Variants in KCNH1 observed in about 807,000 individuals in gnomAD.
KCNH1 encodes voltage-gated delayed rectifier potassium channel KCNH1.
KCNH1 carries 27 observed loss-of-function variants against 69.2 expected under a neutral mutation model. The observed-to-expected ratio is 0.39, with a 90% CI of 0.29 to 0.54. The LOEUF (loss-of-function observed/expected upper bound fraction) is 0.54. Ranked by LOEUF, KCNH1 falls within the 20% of genes least tolerant of loss-of-function variation. The pLI, the probability that KCNH1 is intolerant of heterozygous loss-of-function variation, is 0.68. For missense variants in KCNH1, 798 were observed against 1,261.6 expected (o/e 0.63, Z 5.57); for synonymous variants, 456 against 487.7 (o/e 0.93, Z 0.86).
chr1:211,066,479 T>C (rs1207709276), intron 5 of KCNH1, among the ~76,000 whole-genome samples: 1 of 152,194 alleles, frequency 6.6e-6, no homozygotes, highest in Non-Finnish European at 1.5e-5. Flanking sequence ...TCAATATTTT[T>C]AATAATATTG....
rs567975032 is a variant in KCNH1 at position 210,986,794 on chromosome 1, G to A, written c.1032+31989C>T. On this transcript the variant is annotated intron_variant, in intron 6 of 10. Transcript: ENST00000271751. Reference sequence around the variant, plus strand: ...TGCTCTTCTCGAGGAGTATCTTTGCGGTGTTCTCTGTATTTCCTGAATTTG... The same window carrying A: ...TGCTCTTCTCGAGGAGTATCTTTGCAGTGTTCTCTGTATTTCCTGAATTTG... Among the ~76,000 whole-genome samples, 603 of 152,212 alleles carry A rather than the reference G, an allele frequency of 4.0e-3. 3 individuals carry two copies. Among genetic ancestry groups the A allele is most frequent in the Middle Eastern group, 0.017 (5 of 294 alleles).
intron 10 of KCNH1, among the ~76,000 whole-genome samples, chr1:210,727,785 C>G (rs866909552): frequency 6.6e-6 from 1 of 152,184 alleles, no homozygotes; most frequent in Non-Finnish European, 1.5e-5. Flanking sequence ...ATATTCAAAA[C>G]AGTCCACAAG....
chr1:211,022,068 T>A (rs1159941645), intron 5 of KCNH1, among the ~76,000 whole-genome samples: 1 of 152,150 alleles, frequency 6.6e-6, no homozygotes, highest in Non-Finnish European at 1.5e-5. Context: ...TTACCTGACT[T>A]CAAATTATAC....
intron 6 of KCNH1, among the ~76,000 whole-genome samples, chr1:210,977,927 C>T (rs1178845419): frequency 6.6e-6 from 1 of 152,040 alleles, no homozygotes. Flanking sequence ...TCAAAATCTG[C>T]TCTTCTACCT....
intron 7 of KCNH1, among the ~76,000 whole-genome samples, chr1:210,869,487 G>GTA (rs1181551090): frequency 4.3e-5 from 1 of 23,412 alleles, no homozygotes; most frequent in Non-Finnish European, 9.8e-5. Flanking sequence ...TATAAGTCGT[G>GTA]TGTGTGTGTG....
In KCNH1 at chr1:210,785,497, C is replaced by T. The variant is rs143407246; in HGVS notation, c.1916-9953G>A. Among the ~76,000 whole-genome samples, 380 of 151,668 alleles carry T rather than the reference C, an allele frequency of 2.5e-3. 4 individuals are homozygous for T. The highest frequency in any genetic ancestry group is 8.7e-3 in the African/African-American group (358 of 41,254). On this transcript the variant is annotated intron_variant, in intron 9 of 10. Coordinates refer to ENST00000271751, the MANE Select transcript of KCNH1 (RefSeq NM_172362.3). ...GCAACCTCCGCCTCCTGGGTTCAAGCGGTTCTCCTACCCAGTAGCTGGGAT... is the reference window on the plus strand; with the variant it reads ...GCAACCTCCGCCTCCTGGGTTCAAGTGGTTCTCCTACCCAGTAGCTGGGAT...
At chr1:211,084,746 C>A (rs577832903) in intron 4 of KCNH1, among the ~76,000 whole-genome samples, 1 of 152,266 alleles carries the variant, frequency 6.6e-6, no homozygotes, top group Non-Finnish European at 1.5e-5. Context: ...GTTCCCAAAC[C>A]CATATTTTCC....
chr1:210,824,312 T>C (rs1684993651), intron 7 of KCNH1, among the ~76,000 whole-genome samples: 1 of 151,370 alleles, frequency 6.6e-6, no homozygotes, highest in South Asian at 2.1e-4. Flanking sequence ...TCTATGTAGA[T>C]ATAATCTACA....
chr1:211,034,593 G>A (rs866564990), intron 5 of KCNH1, among the ~76,000 whole-genome samples: 3 of 152,262 alleles, frequency 2.0e-5, no homozygotes, highest in Middle Eastern at 6.8e-3. Context: ...AAAGGCCCAT[G>A]GGGTCACTTA....
intron 6 of KCNH1, among the ~76,000 whole-genome samples, chr1:210,953,209 T>C (rs1688096406): frequency 6.6e-6 from 1 of 152,178 alleles, no homozygotes; most frequent in Non-Finnish European, 1.5e-5. Flanking sequence ...CTGGATTCCC[T>C]ATCTTAAGGA....
Position 211,134,056 on chromosome 1 carries a change from G to A in KCNH1, c.-111C>T, listed in dbSNP as rs374247898. 376 of 903,960 alleles carry A rather than the reference G, an allele frequency of 4.2e-4. 1 individual carries two copies. In the East Asian group the frequency reaches 6.3e-3, roughly 15 times the overall value. The allele number at this position is 903,960 out of a possible 1,614,324, so 56.0% of individuals were successfully genotyped here. A position where few individuals can be genotyped will look rare whatever the true frequency, so the allele number is the denominator to read the frequency against. ...CCGGCTCGAAGCGCCCCATGCGCCCGGCGGGGATCCGCAGGCAGGGCTGGC... is the reference window on the plus strand; with the variant it reads ...CCGGCTCGAAGCGCCCCATGCGCCCAGCGGGGATCCGCAGGCAGGGCTGGC... On this transcript the variant is annotated 5_prime_UTR_variant, in exon 1 of 11. Transcript: ENST00000271751. The surrounding 1 kb of genome is among the most constrained non-coding windows in gnomAD (Gnocchi z 5.7).
intron 10 of KCNH1, among the ~76,000 whole-genome samples, chr1:210,771,839 G>A (rs1683759878): frequency 6.6e-6 from 1 of 152,164 alleles, no homozygotes; most frequent in Admixed American, 6.5e-5. Context: ...AGTCTCACCT[G>A]GCTCAGACCT....
At chr1:211,064,306 A>G (rs1163103294) in intron 5 of KCNH1, among the ~76,000 whole-genome samples, 1 of 152,220 alleles carries the variant, frequency 6.6e-6, no homozygotes, top group Non-Finnish European at 1.5e-5. Context: ...CACGCCTGCA[A>G]TCCCAACACT....
rs1346814066 is a variant in KCNH1 at position 211,133,153 on chromosome 1, G to A, written c.79+714C>T. ...CTTAAGGGTGGCATAAAACCGTTGTGGGTTTGGAAGAGGGGAAATATAACA... is the reference window on the plus strand; with the variant it reads ...CTTAAGGGTGGCATAAAACCGTTGTAGGTTTGGAAGAGGGGAAATATAACA... On this transcript the variant is annotated intron_variant, in intron 1 of 10. Transcript: ENST00000271751. This position sits in a 1 kb window ranked among gnomAD's most constrained non-coding sequence, Gnocchi z 5.4. 6.6e-6 allele frequency: 1 copy of A among 152,254 alleles called. No individual in the cohort carries two copies. The highest frequency in any genetic ancestry group is 1.5e-5 in the Non-Finnish European group (1 of 68,090). 9.4% of individuals were successfully genotyped at this position (152,254 alleles called of 1,614,324 possible). A position where few individuals can be genotyped will look rare whatever the true frequency, so the allele number is the denominator to read the frequency against.
chr1:210,959,668 G>A (rs1477344007), intron 6 of KCNH1, among the ~76,000 whole-genome samples: 3 of 152,184 alleles, frequency 2.0e-5, no homozygotes, highest in Admixed American at 1.3e-4. Flanking sequence ...TCAGACTGCT[G>A]CACTAGCAGT....
chr1:210,733,947 TCTCACACACACACACACACA>T (rs1426199945), intron 10 of KCNH1, among the ~76,000 whole-genome samples: 3 of 142,084 alleles, frequency 2.1e-5, no homozygotes, highest in Non-Finnish European at 4.7e-5. Flanking sequence ...TGTCTGTCTG[TCTCACACACACACACACACA>T]CACACACACA....
intron 7 of KCNH1, among the ~76,000 whole-genome samples, chr1:210,807,011 A>AG: frequency 6.7e-6 from 1 of 148,632 alleles, no homozygotes; most frequent in East Asian, 2.0e-4. Flanking sequence ...CATCTCAAAA[A>AG]AAAAAAAAAA....
At chr1:210,850,873 T>C (rs1242453235) in intron 7 of KCNH1, among the ~76,000 whole-genome samples, 1 of 152,242 alleles carries the variant, frequency 6.6e-6, no homozygotes, top group Non-Finnish European at 1.5e-5. Flanking sequence ...TCCAGATGTC[T>C]CTTCTACCTC....
chr1:210,888,185 G>T (rs888831902), intron 7 of KCNH1, among the ~76,000 whole-genome samples: 22 of 152,020 alleles, frequency 1.4e-4, no homozygotes, highest in African/African-American at 5.3e-4. Context: ...AAATGCAAAA[G>T]AACAGATATC....
Sources: gnomAD v4.1 joint callset for allele counts (sites outside exome capture counted in the v4.1 genomes callset) on GRCh38, gnomAD v4.1.1 for gene constraint, Gnocchi (gnomAD v3.1) non-coding constraint, MANE v1.5 for transcripts, NCBI Gene and HGNC (gene_info 2026-07-23, HGNC 2026-07-21) for gene names.